CACNA1S: variants seen among roughly 807,000 people sequenced by gnomAD.
CACNA1S encodes calcium voltage-gated channel subunit alpha1 S, also known as voltage-dependent L-type calcium channel subunit alpha-1S.
In CACNA1S, 126 loss-of-function variants were observed where a neutral mutation model predicts 207.4. The observed-to-expected ratio is 0.61, with a 90% CI of 0.53 to 0.70. The LOEUF (loss-of-function observed/expected upper bound fraction) is 0.70. Ranked by LOEUF, CACNA1S falls within the 30% of genes least tolerant of loss-of-function variation. CACNA1S has a pLI of 0.00. For synonymous variants in CACNA1S, 960 were observed against 932.7 expected (o/e 1.03, Z -0.53); for missense variants, 2,349 against 2,422.8 (o/e 0.97, Z 0.64).
intron 2 of CACNA1S, among the ~76,000 whole-genome samples, chr1:201,106,854 G>GT (rs758934588): frequency 4.1e-4 from 62 of 152,334 alleles, no homozygotes; most frequent in Admixed American, 1.2e-3. Context: ...CTGGGAAACA[G>GT]TAAGTACCCA....
chr1:201,058,454 AG>A lies in CACNA1S; in HGVS notation c.3562del (p.Leu1188Ter). The A allele has an allele frequency of 6.2e-7, 1 of 1,614,236 alleles. No homozygotes were observed. Reference sequence around the variant, plus strand: ...ATCAATGATGCTGCCAATGACAATCAGGAAGTCAAACACATTCCAGGGGTCT... The same window carrying A: ...ATCAATGATGCTGCCAATGACAATCAGAAGTCAAACACATTCCAGGGGTCT... ...FGDPWNVFDF[L>X]IVIGSIIDVI... On this transcript the variant is annotated frameshift_variant, in exon 28 of 44. Transcript: ENST00000362061. LOFTEE classifies it high-confidence loss of function.
In CACNA1S at chr1:201,066,143, A is replaced by G; in HGVS notation, c.2745+86T>C. 1 of 1,329,578 alleles carries G rather than the reference A, an allele frequency of 7.5e-7. No individual in the cohort carries two copies. Among genetic ancestry groups the G allele is most frequent in the Admixed American group, 1.7e-5 (1 of 58,774 alleles). The allele number at this position is 1,329,578 out of a possible 1,614,324, so 82.4% of individuals were successfully genotyped here. A position where few individuals can be genotyped will look rare whatever the true frequency, so the allele number is the denominator to read the frequency against. ...GGGAGATGGGACAGGGGTCCCAGCC[A>G]TGGCTGGGCTGAGGTTTCTGGAGCG... is the stretch of plus-strand genomic sequence containing the variant. On this transcript the variant is annotated intron_variant, in intron 21 of 43. Coordinates refer to ENST00000362061, the MANE Select transcript of CACNA1S (RefSeq NM_000069.3). This position sits in a 1 kb window ranked among gnomAD's most constrained non-coding sequence, Gnocchi z 4.3.
rs1403268914 is a variant in CACNA1S at position 201,040,632 on chromosome 1, G to A, written c.5216C>T (p.Ala1739Val). 6.2e-7 allele frequency: 1 copy of A among 1,613,694 alleles called. No individual in the cohort carries two copies. Among genetic ancestry groups the A allele is most frequent in the African/African-American group, 1.3e-5 (1 of 74,942 alleles). The change falls in exon 42 of 44, where the codon GCC becomes GTC. Residue 1739 changes from alanine to valine, a missense_variant. Ala to Val is a moderately conservative substitution (Grantham distance 64). Coordinates refer to ENST00000362061, the MANE Select transcript of CACNA1S (RefSeq NM_000069.3). ...CTCTGCCACTGTTACCTGGCAGGGGGCAGGAGGTGCCTGGCCTCTGGGCAT... is the reference window on the plus strand; with the variant it reads ...CTCTGCCACTGTTACCTGGCAGGGGACAGGAGGTGCCTGGCCTCTGGGCAT... ...RAMPRGQAPP[A>V]PCQCPRVESS...
intron 1 of CACNA1S, 27 bp downstream of exon 1, chr1:201,112,161 C>T (rs201234743): frequency 1.4e-5 from 23 of 1,607,232 alleles, no homozygotes; most frequent in South Asian, 3.3e-5. Flanking sequence ...GCACACCCCC[C>T]CCCACGGCCC....
rs1661229183 is a variant in CACNA1S at position 201,066,086 on chromosome 1, AC to A, written c.2745+142del. 1 of 927,978 alleles carries A rather than the reference AC, an allele frequency of 1.1e-6. No individual in the cohort carries two copies. The allele number at this position is 927,978 out of a possible 1,614,324, so 57.5% of individuals were successfully genotyped here. A position where few individuals can be genotyped will look rare whatever the true frequency, so the allele number is the denominator to read the frequency against. ...GAAAGGCTGGTGGGGAAGCATAGCTACCCCAGCCTCATCCTTACCCCTATCT... is the reference window on the plus strand; with the variant it reads ...GAAAGGCTGGTGGGGAAGCATAGCTACCCAGCCTCATCCTTACCCCTATCT... On this transcript the variant is annotated intron_variant, in intron 21 of 43. Coordinates refer to ENST00000362061, the MANE Select transcript of CACNA1S (RefSeq NM_000069.3). The surrounding 1 kb of genome is among the most constrained non-coding windows in gnomAD (Gnocchi z 4.3).
chr1:201,049,391 T>A (rs929729082), intron 34 of CACNA1S, among the ~76,000 whole-genome samples: 25 of 152,226 alleles, frequency 1.6e-4, no homozygotes, highest in African/African-American at 5.5e-4. Flanking sequence ...CCTATCAGTA[T>A]CTTTCTTAGG....
At chr1:201,109,327 G>A (rs1663017016) in intron 2 of CACNA1S, among the ~76,000 whole-genome samples, 1 of 151,976 alleles carries the variant, frequency 6.6e-6, no homozygotes, top group Non-Finnish European at 1.5e-5. Context: ...GGTGACCCTG[G>A]GTAATGTGCC....
Position 201,060,724 on chromosome 1 carries a change from G to A in CACNA1S, c.3348C>T (p.Thr1116=), listed in dbSNP as rs2102573526. 16 of 1,614,220 alleles carry A rather than the reference G, an allele frequency of 9.9e-6. No individual in the cohort carries two copies. Among genetic ancestry groups the A allele is most frequent in the Non-Finnish European group, 1.4e-5 (16 of 1,180,040 alleles). The change falls in exon 26 of 44, where the codon ACC becomes ACT. Residue 1116 remains threonine (T), a synonymous_variant. Transcript: ENST00000362061. ...ACATCAGGTATTCAAAGTAGGAGGA[G>A]GTGACAATGTACCACACCTGGTACT... The part of the protein sequence containing the change: ...PYQYQVWYIV[T]SSYFEYLMFA...
At chr1:201,079,140 A>T (rs1572051910) in intron 10 of CACNA1S, among the ~76,000 whole-genome samples, 1 of 149,840 alleles carries the variant, frequency 6.7e-6, no homozygotes, top group African/African-American at 2.4e-5. Context: ...AAACAAAAAA[A>T]CCCAAGACTC....
At position 201,059,215 on chromosome 1, in the gene CACNA1S, G is replaced by A. The variant is rs1335060096; in HGVS notation, c.3499C>T (p.Leu1167Phe). 2 of 1,613,030 alleles carry A rather than the reference G, an allele frequency of 1.2e-6. 1 individual carries two copies. The highest frequency in any genetic ancestry group is 3.3e-5 in the Admixed American group (2 of 59,998). The change falls in exon 27 of 44, where the codon CTC (leucine) becomes TTC (phenylalanine). Residue 1167 changes from leucine (L) to phenylalanine (F), a missense_variant. Transcript: ENST00000362061. The part of the protein sequence containing the change: ...FTIIFTLEMI[L>F]KLMAFKARGY... ...CTGGCCTTGAAGGCCATGAGCTTGA[G>A]GATCATCTCCAGGGTGAAGATGATA...
At chr1:201,100,489 C>T (rs1662612312) in intron 2 of CACNA1S, among the ~76,000 whole-genome samples, 1 of 152,172 alleles carries the variant, frequency 6.6e-6, no homozygotes. Flanking sequence ...GAACGCTCAC[C>T]CAAATAGACG....
At chr1:201,092,549 T>C (rs959518435) in intron 3 of CACNA1S, among the ~76,000 whole-genome samples, 1 of 152,220 alleles carries the variant, frequency 6.6e-6, no homozygotes, top group Admixed American at 6.5e-5. Flanking sequence ...TGCCCTTTAT[T>C]TTCTTTCCTA....
At chr1:201,058,295 T>C in intron 28 of CACNA1S, 113 bp downstream of exon 28, 1 of 912,922 alleles carries the variant, frequency 1.1e-6, no homozygotes, top group Non-Finnish European at 1.8e-6. Flanking sequence ...TTCCATCTTT[T>C]TAACCCCTGG....
chr1:201,068,441 T>C (rs372846208), intron 19 of CACNA1S, among the ~76,000 whole-genome samples: 2 of 150,354 alleles, frequency 1.3e-5, no homozygotes, highest in African/African-American at 2.4e-5. Context: ...CAGGGTTTCA[T>C]CATGTTGGCC....
chr1:201,095,362 C>CT (rs1558083092), intron 2 of CACNA1S, among the ~76,000 whole-genome samples: 8 of 152,090 alleles, frequency 5.3e-5, no homozygotes, highest in Non-Finnish European at 1.0e-4. Flanking sequence ...ACTGCGGAGG[C>CT]GTCATTCATA....
Position 201,066,999 on chromosome 1 carries a change from G to T in CACNA1S, c.2551-6C>A. The T allele has an allele frequency of 6.2e-7, 1 of 1,603,646 alleles. No individual in the cohort carries two copies. Among genetic ancestry groups the T allele is most frequent in the South Asian group, 1.1e-5 (1 of 90,724 alleles). The stretch of plus-strand genomic sequence containing the variant: ...AAGGCTCCGTAGGTCGTCATCTGGG[G>T]AGAAAGAGGCAGCAGCCTGGATGGA... On this transcript the variant is annotated splice_region_variant and splice_polypyrimidine_tract_variant and intron_variant, in intron 19 of 43. Transcript: ENST00000362061. This position sits in a 1 kb window ranked among gnomAD's most constrained non-coding sequence, Gnocchi z 4.3.
In CACNA1S at chr1:201,040,640, T is replaced by C. The variant is rs1251970739; in HGVS notation, c.5208A>G (p.Ala1736=). 6.2e-7 allele frequency: 1 copy of C among 1,613,414 alleles called. No homozygotes were observed. The highest frequency in any genetic ancestry group is 2.2e-5 in the East Asian group (1 of 44,794). ...CTGTTACCTGGCAGGGGGCAGGAGGTGCCTGGCCTCTGGGCATTGCCCTCT... is the reference window on the plus strand; with the variant it reads ...CTGTTACCTGGCAGGGGGCAGGAGGCGCCTGGCCTCTGGGCATTGCCCTCT... ...LTQRAMPRGQ[A]PPAPCQCPRV... The change falls in exon 42 of 44, where the codon GCA becomes GCG. Residue 1736 remains alanine (A), a synonymous_variant. Coordinates refer to ENST00000362061, the MANE Select transcript of CACNA1S (RefSeq NM_000069.3).
At chr1:201,040,423 C>T in intron 42 of CACNA1S, 49 bp from the exon 43 acceptor site, 1 of 1,605,626 alleles carries the variant, frequency 6.2e-7, no homozygotes, top group Non-Finnish European at 8.5e-7. Context: ...TGCTGGAGCC[C>T]ACCAATGAGC....
At chr1:201,043,890 T>C (rs1660384524) in intron 39 of CACNA1S, among the ~76,000 whole-genome samples, 1 of 152,060 alleles carries the variant, frequency 6.6e-6, no homozygotes, top group Admixed American at 6.5e-5. Context: ...ATGATCTCTG[T>C]GGGCCACTAT....
Sources: allele counts gnomAD v4.1 joint callset (sites outside exome capture counted in the v4.1 genomes callset), GRCh38; gene constraint gnomAD v4.1.1; non-coding constraint Gnocchi (gnomAD v3.1); transcripts MANE v1.5; gene names NCBI Gene and HGNC (gene_info 2026-07-23, HGNC 2026-07-21).